GRID2: variants seen among roughly 807,000 people sequenced by gnomAD.
The protein encoded by GRID2 is glutamate receptor ionotropic, delta-2.
In GRID2, 33 loss-of-function variants were observed where a neutral mutation model predicts 114.8. The observed-to-expected ratio is 0.29, with a 90% CI of 0.22 to 0.38. The LOEUF (loss-of-function observed/expected upper bound fraction) is 0.38. GRID2 is among the 10% of genes least tolerant of loss of function. The pLI, the probability that GRID2 is intolerant of heterozygous loss-of-function variation, is 1.00. For missense variants in GRID2, 1,184 were observed against 1,257.7 expected (o/e 0.94, Z 0.89); for synonymous variants, 505 against 449.9 (o/e 1.12, Z -1.55).
intron 1 of GRID2, among the ~76,000 whole-genome samples, chr4:92,457,564 C>T (rs1721279103): frequency 6.6e-6 from 1 of 152,066 alleles, no homozygotes; most frequent in Admixed American, 6.6e-5. Context: ...GATGTCTCAT[C>T]CTGAGGAAGG....
chr4:92,414,553 AG>A (rs2110309355), intron 1 of GRID2, among the ~76,000 whole-genome samples: 1 of 152,304 alleles, frequency 6.6e-6, no homozygotes, highest in South Asian at 2.1e-4. Context: ...GAAAGCAAAA[AG>A]GAGTCATTTA....
chr4:92,992,789 T>C lies in GRID2; in HGVS notation c.245-92206T>C, dbSNP rs376166037. On this transcript the variant is annotated intron_variant, in intron 2 of 15. Transcript: ENST00000282020. Reference sequence around the variant, plus strand: ...AATGAAATGTCACAGACTTGAACATTATTAAACTTATATTTGAGATGCCTT... The same window carrying C: ...AATGAAATGTCACAGACTTGAACATCATTAAACTTATATTTGAGATGCCTT... Among the ~76,000 whole-genome samples the C allele has an allele frequency of 7.2e-5, 11 of 152,276 alleles. No individual in the cohort carries two copies. The East Asian group carries it at 1.4e-3, about 19-fold the overall frequency.
chr4:92,821,626 C>A (rs1741288206), intron 2 of GRID2, among the ~76,000 whole-genome samples: 1 of 151,978 alleles, frequency 6.6e-6, no homozygotes, highest in Non-Finnish European at 1.5e-5. Flanking sequence ...ACAAGAAAAC[C>A]AGATCATTCT....
chr4:92,369,563 C>T (rs952960673), intron 1 of GRID2, among the ~76,000 whole-genome samples: 6 of 152,228 alleles, frequency 3.9e-5, no homozygotes, highest in Admixed American at 3.3e-4. Context: ...AGCTACAGGC[C>T]ATGTTCAGAA....
At chr4:92,803,633 T>C (rs1324612524) in intron 2 of GRID2, among the ~76,000 whole-genome samples, 1 of 151,986 alleles carries the variant, frequency 6.6e-6, no homozygotes, top group Non-Finnish European at 1.5e-5. Context: ...AGTGAAAAGA[T>C]TTTCAGAGCA....
intron 14 of GRID2, among the ~76,000 whole-genome samples, chr4:93,634,098 T>C (rs1029001272): frequency 2.0e-5 from 3 of 152,148 alleles, no homozygotes; most frequent in Admixed American, 2.0e-4. Flanking sequence ...AGTGACATTA[T>C]TGAGACACAT....
chr4:93,507,072 C>T (rs1035264454), intron 12 of GRID2, among the ~76,000 whole-genome samples: 3 of 152,158 alleles, frequency 2.0e-5, no homozygotes, highest in Admixed American at 6.5e-5. Context: ...AAATAGGAAA[C>T]TTAGTGCTAT....
At chr4:93,077,283 A>G (rs1729421674) in intron 2 of GRID2, among the ~76,000 whole-genome samples, 1 of 152,198 alleles carries the variant, frequency 6.6e-6, no homozygotes, top group African/African-American at 2.4e-5. Flanking sequence ...GACTTCTGAG[A>G]TTGGGTTGTG....
At chr4:93,094,725 T>G (rs1189831899) in intron 3 of GRID2, among the ~76,000 whole-genome samples, 2 of 151,972 alleles carry the variant, frequency 1.3e-5, no homozygotes, top group Non-Finnish European at 2.9e-5. Context: ...GGACTCCTAC[T>G]TACACTAAGA....
At chr4:93,716,795 A>G (rs1728939537) in intron 14 of GRID2, among the ~76,000 whole-genome samples, 1 of 152,096 alleles carries the variant, frequency 6.6e-6, no homozygotes, top group African/African-American at 2.4e-5. Context: ...CAATTTCAAC[A>G]TGAATTTAAA....
intron 1 of GRID2, among the ~76,000 whole-genome samples, chr4:92,372,531 T>C (rs984079236): frequency 1.3e-5 from 2 of 152,200 alleles, no homozygotes; most frequent in South Asian, 4.1e-4. Flanking sequence ...ATTTAAATTA[T>C]TGTTTTAGAC....
At chr4:92,914,918 C>T (rs1325076457) in intron 2 of GRID2, among the ~76,000 whole-genome samples, 1 of 151,978 alleles carries the variant, frequency 6.6e-6, no homozygotes, top group African/African-American at 2.4e-5. Context: ...GATTTATATT[C>T]CTTTGCATAT....
At chr4:93,677,695 C>T (rs998284978) in intron 14 of GRID2, among the ~76,000 whole-genome samples, 2 of 152,044 alleles carry the variant, frequency 1.3e-5, no homozygotes, top group Admixed American at 1.3e-4. Context: ...CTCTAGCAAA[C>T]TCCAACAGAC....
chr4:93,171,764 G>A (rs1738845312), intron 4 of GRID2, among the ~76,000 whole-genome samples: 1 of 152,146 alleles, frequency 6.6e-6, no homozygotes, highest in Non-Finnish European at 1.5e-5. Flanking sequence ...AAGAAATAAT[G>A]CTCAGTATCG....
At chr4:93,597,503 T>C (rs1739224774) in intron 13 of GRID2, among the ~76,000 whole-genome samples, 1 of 152,180 alleles carries the variant, frequency 6.6e-6, no homozygotes, top group Admixed American at 6.5e-5. Context: ...TTGTTTTGCC[T>C]GACTTACCAA....
At chr4:92,352,139 C>G (rs1728098172) in intron 1 of GRID2, among the ~76,000 whole-genome samples, 1 of 151,826 alleles carries the variant, frequency 6.6e-6, no homozygotes, top group Non-Finnish European at 1.5e-5. Flanking sequence ...TCCCTTTTCT[C>G]CACATCCTCG....
At chr4:93,735,478 A>C (rs1275236525) in intron 14 of GRID2, among the ~76,000 whole-genome samples, 1 of 152,018 alleles carries the variant, frequency 6.6e-6, no homozygotes, top group Non-Finnish European at 1.5e-5. Flanking sequence ...CAACTCTTTA[A>C]GTTCTTTCAT....
At chr4:93,223,059 T>G (rs1301294123) in intron 6 of GRID2, among the ~76,000 whole-genome samples, 1 of 152,144 alleles carries the variant, frequency 6.6e-6, no homozygotes. Context: ...TTGTGTATTA[T>G]TTTGATTTCC....
chr4:93,500,777 T>G (rs1728017492), intron 12 of GRID2, among the ~76,000 whole-genome samples: 1 of 152,046 alleles, frequency 6.6e-6, no homozygotes, highest in South Asian at 2.1e-4. Flanking sequence ...TAATAGAGAC[T>G]GGCAAGACCC....
Sources: allele counts gnomAD v4.1 joint callset (sites outside exome capture counted in the v4.1 genomes callset), GRCh38; gene constraint gnomAD v4.1.1; transcripts MANE v1.5; gene names NCBI Gene and HGNC (gene_info 2026-07-23, HGNC 2026-07-21).